The following PSPC1 variants were observed in gnomAD, a reference collection of about 807,000 sequenced individuals.
PSPC1 encodes paraspeckle protein 1.
PSPC1 carries 14 observed loss-of-function variants against 51.6 expected under a neutral mutation model. The ratio of observed to expected loss-of-function variants is 0.27; its 90% CI spans 0.18 to 0.42. The LOEUF (loss-of-function observed/expected upper bound fraction) is 0.42, where lower values mean the gene tolerates loss of function less well. Among genes scored for constraint, PSPC1 ranks in the 10% least tolerant of loss-of-function variants. PSPC1 has a pLI of 1.00. For missense variants in PSPC1, 406 were observed against 701.1 expected, an observed-to-expected ratio of 0.58 and a Z score of 4.75; for synonymous variants, 193 against 231.9, an observed-to-expected ratio of 0.83 and a Z score of 1.53.
chr13:19,746,907 C>T (rs1751407180), intron 4 of PSPC1, among the ~76,000 whole-genome samples: 1 of 152,016 alleles, frequency 6.6e-6, no homozygotes, highest in Non-Finnish European at 1.5e-5. Context: ...GTCAGGAGTT[C>T]GAGACCAGCC....
rs750568991 is a variant in PSPC1, at chr13:19,728,437, TAAACACACAC to T, written c.1158+1792_1158+1801del. 6.4e-3 allele frequency among the ~76,000 whole-genome samples: 536 copies of T among 83,754 alleles called. 4 individuals are homozygous for T. The highest frequency in any genetic ancestry group is 0.013 in the South Asian group (30 of 2,358). 54.9% of individuals were successfully genotyped at this position (83,754 alleles called of 152,430 possible). A position where few individuals can be genotyped will look rare whatever the true frequency, so the allele number is the denominator to read the frequency against. On this transcript the variant is annotated intron_variant, in intron 6 of 8. Coordinates refer to ENST00000338910, the MANE Select transcript of PSPC1 (RefSeq NM_001354909.2). ...CATAAGAGGGCCTAATTTCAAAGCT[TAAACACACAC>T]ACACACACACACACACACACACACA...
chr13:19,732,202 A>G (rs920686904), intron 5 of PSPC1, among the ~76,000 whole-genome samples: 4 of 152,136 alleles, frequency 2.6e-5, no homozygotes, highest in African/African-American at 9.7e-5. Flanking sequence ...TTGTTGTCTT[A>G]CTCTCTATAC....
At position 19,690,218 on chromosome 13, in the gene PSPC1, C is replaced by G. The variant is rs564347362; in HGVS notation, c.1159-12395G>C. Among the ~76,000 whole-genome samples the G allele has an allele frequency of 9.2e-5, 14 of 152,332 alleles. No homozygotes were observed. The South Asian group carries it at 2.9e-3, about 32-fold the overall frequency. On this transcript the variant is annotated intron_variant and NMD_transcript_variant, in intron 6 of 7. Coordinates refer to the PSPC1 transcript ENST00000471658. ...TTACTGAATTATTTCTCCTGCAAAT[C>G]TTAGCCACACTGTCATCTTAAAGTT...
intron 6 of PSPC1, among the ~76,000 whole-genome samples, chr13:19,724,244 C>A (rs905572092): frequency 6.6e-6 from 1 of 152,176 alleles, no homozygotes; most frequent in Admixed American, 6.5e-5. Flanking sequence ...CAAACCATTT[C>A]AGAAAATAAA....
chr13:19,690,793 C>T (rs1338321245), intron 6 of PSPC1, among the ~76,000 whole-genome samples: 1 of 152,144 alleles, frequency 6.6e-6, no homozygotes, highest in Non-Finnish European at 1.5e-5. Context: ...CTATCCATTC[C>T]AACTTTCTTC....
intron 1 of PSPC1, among the ~76,000 whole-genome samples, chr13:19,777,134 A>AG (rs973355601): frequency 6.9e-6 from 1 of 144,982 alleles, no homozygotes; most frequent in African/African-American, 2.5e-5. Flanking sequence ...AAAAAAAAAA[A>AG]AAAGAGGCCA....
Position 19,772,359 on chromosome 13 carries a change from A to G in PSPC1, c.557T>C (p.Val186Ala), listed in dbSNP as rs1416572384. ...TCTACCGCGATCATCCACAACCACA[A>G]CAGCTTTCTCTACTGGACCAAACTG... ...FSQFGPVEKAVVVVDDRGRAT... is the reference protein window; with the variant it reads ...FSQFGPVEKAAVVVDDRGRAT... Residue 186 changes from valine (V) to alanine (A), a missense_variant, in exon 2 of 9, where the codon GTT becomes GCT. Transcript: ENST00000338910. 6.2e-7 allele frequency: 1 copy of G among 1,614,088 alleles called. No homozygotes were observed. The highest frequency in any genetic ancestry group is 8.5e-7 in the Non-Finnish European group (1 of 1,180,042).
intron 6 of PSPC1, among the ~76,000 whole-genome samples, chr13:19,686,224 C>A (rs774877641): frequency 1.3e-5 from 2 of 152,202 alleles, no homozygotes; most frequent in African/African-American, 4.8e-5. Flanking sequence ...CTACTGACCA[C>A]GGCATTGCTC....
chr13:19,743,402 A>G (rs1254926775), intron 4 of PSPC1, among the ~76,000 whole-genome samples: 1 of 152,194 alleles, frequency 6.6e-6, no homozygotes, highest in Non-Finnish European at 1.5e-5. Context: ...TAACAATAGC[A>G]AGACAGGCAT....
At chr13:19,691,063 G>T (rs1197569106) in intron 6 of PSPC1, among the ~76,000 whole-genome samples, 3 of 152,106 alleles carry the variant, frequency 2.0e-5, no homozygotes, top group Non-Finnish European at 2.9e-5. Context: ...AAAATTTATT[G>T]AATGAATAAA....
chr13:19,709,989 T>C (rs1466948916), intron 6 of PSPC1, among the ~76,000 whole-genome samples: 1 of 152,228 alleles, frequency 6.6e-6, no homozygotes, highest in African/African-American at 2.4e-5. Context: ...AGTCTTAAAA[T>C]AGAAATGACT....
chr13:19,740,215 T>C (rs916924682), intron 5 of PSPC1, among the ~76,000 whole-genome samples: 1 of 151,894 alleles, frequency 6.6e-6, no homozygotes, highest in Non-Finnish European at 1.5e-5. Context: ...TGGTGGCACA[T>C]GCCTGTAATC....
chr13:19,694,122 C>CTCA lies in PSPC1; in HGVS notation c.1159-16300_1159-16299insTGA, dbSNP rs1878910423. Among the ~76,000 whole-genome samples the CTCA allele has an allele frequency of 8.4e-5, 4 of 47,474 alleles. 1 individual carries two copies. The highest frequency in any genetic ancestry group is 1.5e-3 in the East Asian group (2 of 1,294). The allele number at this position is 47,474 out of a possible 152,430, so 31.1% of individuals were successfully genotyped here. ...TGGGTGACAGAGCGAGACTCCATCTCAAAAAAAAAAAAAAAAAAAAAAAAA... is the reference window on the plus strand; with the variant it reads ...TGGGTGACAGAGCGAGACTCCATCTCTCAAAAAAAAAAAAAAAAAAAAAAAAAA... On this transcript the variant is annotated intron_variant and NMD_transcript_variant, in intron 6 of 7. Coordinates refer to the PSPC1 transcript ENST00000471658.
intron 6 of PSPC1, among the ~76,000 whole-genome samples, chr13:19,724,761 A>G (rs1279732642): frequency 6.6e-6 from 1 of 152,120 alleles, no homozygotes; most frequent in African/African-American, 2.4e-5. Context: ...CCACTTTGGG[A>G]GGCCGAGCGG....
chr13:19,725,035 A>G (rs1025186949), intron 6 of PSPC1, among the ~76,000 whole-genome samples: 13 of 150,562 alleles, frequency 8.6e-5, no homozygotes, highest in African/African-American at 2.9e-4. Context: ...AAATTAGCCA[A>G]TCGTGGTGGC....
chr13:19,707,066 C>G (rs1400921283), intron 7 of PSPC1, among the ~76,000 whole-genome samples: 1 of 152,142 alleles, frequency 6.6e-6, no homozygotes, highest in Admixed American at 6.5e-5. Context: ...AGAACAGTAT[C>G]TAAGAGGCGT....
intron 5 of PSPC1, among the ~76,000 whole-genome samples, chr13:19,738,205 T>A (rs1885051207): frequency 6.6e-6 from 1 of 152,286 alleles, no homozygotes; most frequent in Non-Finnish European, 1.5e-5. Flanking sequence ...ACCACAGAGT[T>A]CATACCTCTG....
At chr13:19,708,689 T>TG (rs1390373567) in intron 7 of PSPC1, among the ~76,000 whole-genome samples, 3 of 152,148 alleles carry the variant, frequency 2.0e-5, no homozygotes, top group African/African-American at 4.8e-5. Context: ...AAACACTGAG[T>TG]GCACTTCTGT....
intron 5 of PSPC1, among the ~76,000 whole-genome samples, chr13:19,730,968 A>AAAAAAC (rs1884020310): frequency 7.0e-6 from 1 of 141,892 alleles, no homozygotes; most frequent in Non-Finnish European, 1.6e-5. Flanking sequence ...AAAAAAACAA[A>AAAAAAC]AAAAAAAAAA....
Sources: gnomAD v4.1 joint callset for allele counts (sites outside exome capture counted in the v4.1 genomes callset) on GRCh38, gnomAD v4.1.1 for gene constraint, MANE v1.5 for transcripts, NCBI Gene and HGNC (gene_info 2026-07-23, HGNC 2026-07-21) for gene names.